The following ATAD2 variants were observed in gnomAD, a reference collection of about 807,000 sequenced individuals.
ATAD2 encodes ATPase family AAA domain-containing protein 2.
In ATAD2, 62 loss-of-function variants were observed where a neutral mutation model predicts 168.9. That is an observed-to-expected ratio of 0.37 (90% CI 0.30 to 0.45). The LOEUF (loss-of-function observed/expected upper bound fraction) is 0.45. ATAD2 is among the 20% of genes least tolerant of loss of function. The pLI, the probability that ATAD2 is intolerant of heterozygous loss-of-function variation, is 1.00. For synonymous variants in ATAD2, 613 were observed against 571.6 expected (o/e 1.07, Z -1.03); for missense variants, 1,419 against 1,667.8 (o/e 0.85, Z 2.60).
At chr8:123,327,786 A>AAT (rs1295463932) in intron 25 of ATAD2, among the ~76,000 whole-genome samples, 1 of 152,180 alleles carries the variant, frequency 6.6e-6, no homozygotes, top group Non-Finnish European at 1.5e-5. Flanking sequence ...TGTTCATACC[A>AAT]CTCAGCAAGA....
chr8:123,387,684 T>A (rs1829684019), intron 1 of ATAD2, among the ~76,000 whole-genome samples: 1 of 152,228 alleles, frequency 6.6e-6, no homozygotes, highest in South Asian at 2.1e-4. Context: ...GTTAGTATTT[T>A]GTTAAATTTT....
rs1827918723 is a variant in ATAD2, at chr8:123,336,595, T to C, written c.3052-63A>G. On this transcript the variant is annotated intron_variant, in intron 21 of 27. Coordinates refer to ENST00000287394, the MANE Select transcript of ATAD2 (RefSeq NM_014109.4). Reference sequence around the variant, plus strand: ...TCTAAACATAACATGTGAGTCAAGTTTCGATGCCAGGCAATATAGGAGATA... The same window carrying C: ...TCTAAACATAACATGTGAGTCAAGTCTCGATGCCAGGCAATATAGGAGATA... 3.9e-6 allele frequency: 5 copies of C among 1,297,734 alleles called. No individual in the cohort carries two copies. The East Asian group carries it at 1.3e-4, about 35-fold the overall frequency. The allele number at this position is 1,297,734 out of a possible 1,614,324, so 80.4% of individuals were successfully genotyped here.
In ATAD2 at chr8:123,370,039, T is replaced by C. The variant is rs145620970; in HGVS notation, c.728-15A>G. On this transcript the variant is annotated splice_polypyrimidine_tract_variant and intron_variant, in intron 6 of 27. Coordinates refer to ENST00000287394, the MANE Select transcript of ATAD2 (RefSeq NM_014109.4). ...TTCAGATGACTCTACAATTAAGAGA[T>C]CCTTACTTCCAGAAAGATACTCAGC... 1.9e-6 allele frequency: 3 copies of C among 1,596,366 alleles called. No homozygotes were observed. The African/African-American group carries it at 4.0e-5, about 21-fold the overall frequency.
intron 1 of ATAD2, among the ~76,000 whole-genome samples, chr8:123,411,233 C>T (rs1813151287): frequency 6.6e-6 from 1 of 152,090 alleles, no homozygotes. Context: ...AAATGCAGCC[C>T]CAGATGCAGT....
intron 1 of ATAD2, among the ~76,000 whole-genome samples, chr8:123,394,299 C>T (rs573772483): frequency 6.6e-6 from 1 of 152,230 alleles, no homozygotes; most frequent in East Asian, 1.9e-4. Context: ...ACCTGAGAAG[C>T]TGAAACTGAA....
chr8:123,378,408 A>G (rs1829386823), intron 2 of ATAD2, among the ~76,000 whole-genome samples: 1 of 152,188 alleles, frequency 6.6e-6, no homozygotes, highest in Non-Finnish European at 1.5e-5. Context: ...AAAATAAGAG[A>G]ATCAAAATTC....
At chr8:123,371,205 A>C in intron 5 of ATAD2, 31 bp downstream of exon 5, 2 of 1,525,448 alleles carry the variant, frequency 1.3e-6, no homozygotes, top group Non-Finnish European at 1.8e-6. Flanking sequence ...CTGGATATTA[A>C]ATCATTCCCT....
intron 17 of ATAD2, among the ~76,000 whole-genome samples, 159 bp from the exon 18 acceptor site, chr8:123,346,431 GTTTTTAGGAATA>G (rs1828245832): frequency 6.6e-6 from 1 of 152,060 alleles, no homozygotes; most frequent in Admixed American, 6.6e-5. Flanking sequence ...ACCCCCAAAG[GTTTTTAGGAATA>G]TTTTTATAGA....
intron 22 of ATAD2, among the ~76,000 whole-genome samples, chr8:123,334,794 T>C (rs1269785982): frequency 2.0e-5 from 3 of 152,176 alleles, no homozygotes; most frequent in African/African-American, 7.2e-5. Context: ...AGAGTATGAA[T>C]ACTACAAACT....
At chr8:123,410,352 T>C (rs1249401240) in intron 1 of ATAD2, among the ~76,000 whole-genome samples, 1 of 152,182 alleles carries the variant, frequency 6.6e-6, no homozygotes, top group Admixed American at 6.5e-5. Context: ...AATGGTGTAC[T>C]CTCAGCTCAC....
rs1325019732 is a variant in ATAD2, at chr8:123,336,461, G to T, written c.3123C>A (p.His1041Gln). The T allele has an allele frequency of 6.4e-7, 1 of 1,574,606 alleles. No individual in the cohort carries two copies. Among genetic ancestry groups the T allele is most frequent in the Non-Finnish European group, 8.6e-7 (1 of 1,166,314 alleles). The change falls in exon 22 of 28, where the codon CAC (histidine) becomes CAA (glutamine). Residue 1041 changes from histidine to glutamine, a missense_variant. Coordinates refer to ENST00000287394, the MANE Select transcript of ATAD2 (RefSeq NM_014109.4). ...LSSVISKIDL[H>Q]KYLTVKDYLR... ...AATAGTCTTTCACAGTCAGATACTT[G>T]TGTAGATCAATTTTACTGATTACAG...
chr8:123,356,038 T>C (rs1465923129), intron 13 of ATAD2: 1 of 153,452 alleles, frequency 6.5e-6, no homozygotes, highest in Non-Finnish European at 1.4e-5. Context: ...CTGATTCTCC[T>C]GCCTCAGCCT....
chr8:123,411,971 G>T (rs907416225), intron 1 of ATAD2, among the ~76,000 whole-genome samples: 2 of 152,138 alleles, frequency 1.3e-5, no homozygotes, highest in African/African-American at 4.8e-5. Context: ...TTTACACCTG[G>T]ATGTGATCCT....
In ATAD2 at chr8:123,346,598, G is replaced by A. The variant is rs1262311753; in HGVS notation, c.2345+20C>T. ...AAAATTTACACATGCAAAAAACATT[G>A]ATTTGCAAGAAAAATATACCTATTC... On this transcript the variant is annotated intron_variant, in intron 17 of 27. Transcript: ENST00000287394. The A allele has an allele frequency of 6.6e-7, 1 of 1,508,516 alleles. No individual in the cohort carries two copies. The highest frequency in any genetic ancestry group is 8.9e-7 in the Non-Finnish European group (1 of 1,120,962). 93.4% of individuals were successfully genotyped at this position (1,508,516 alleles called of 1,614,324 possible). A position where few individuals can be genotyped will look rare whatever the true frequency, so the allele number is the denominator to read the frequency against.
intron 19 of ATAD2, among the ~76,000 whole-genome samples, chr8:123,342,742 TAC>T (rs1828099901): frequency 6.6e-6 from 1 of 152,194 alleles, no homozygotes; most frequent in South Asian, 2.1e-4. Flanking sequence ...TCAATTATTA[TAC>T]AGAGTCACTG....
chr8:123,390,947 G>A (rs1008366178), intron 1 of ATAD2, among the ~76,000 whole-genome samples: 6 of 152,024 alleles, frequency 3.9e-5, no homozygotes, highest in Admixed American at 2.6e-4. Context: ...TTGAATCCAC[G>A]AGGCAGAGGT....
upstream of ATAD2, chr8:123,396,467 C>T (rs1034588059): frequency 5.8e-5 from 70 of 1,196,918 alleles, no homozygotes; most frequent in African/African-American, 1.1e-3. Context: ...AGCTCCGCGC[C>T]AGCGGCCGCA....
chr8:123,321,409 A>G (rs1023495329), intron 27 of ATAD2, among the ~76,000 whole-genome samples: 7 of 151,280 alleles, frequency 4.6e-5, no homozygotes, highest in Non-Finnish European at 1.0e-4. Flanking sequence ...CTTATGTTAA[A>G]TTCAAATAGT....
chr8:123,334,153 C>A, intron 23 of ATAD2, 47 bp downstream of exon 23: 2 of 1,546,290 alleles, frequency 1.3e-6, no homozygotes, highest in South Asian at 1.3e-5. Context: ...TTCTGAAATT[C>A]ATTGATAATA....
Sources: gnomAD v4.1 joint callset for allele counts (sites outside exome capture counted in the v4.1 genomes callset) on GRCh38, gnomAD v4.1.1 for gene constraint, MANE v1.5 for transcripts, NCBI Gene and HGNC (gene_info 2026-07-23, HGNC 2026-07-21) for gene names.